E2F1: variants seen among roughly 807,000 people sequenced by gnomAD.
E2F1 encodes the protein transcription factor E2F1.
In E2F1, 7 loss-of-function variants were observed where a neutral mutation model predicts 36.9. That is an observed-to-expected ratio of 0.19 (90% CI 0.11 to 0.36). E2F1 has a LOEUF of 0.36. Among genes scored for constraint, E2F1 ranks in the 10% least tolerant of loss-of-function variants. The pLI, the probability that E2F1 is intolerant of heterozygous loss-of-function variation, is 1.00. For synonymous variants in E2F1, 261 were observed against 263.1 expected (o/e 0.99, Z 0.08); for missense variants, 406 against 573.6 (o/e 0.71, Z 2.99).
At position 33,676,665 on chromosome 20, in the gene E2F1, ACAGG is replaced by A. The variant is rs2017961889; in HGVS notation, c.*63_*66del. On this transcript the variant is annotated 3_prime_UTR_variant, in exon 7 of 7. Transcript: ENST00000343380. ...AAACAGGCTGGGAGGACGGCCAGGG[ACAGG>A]GGGCTCCAGGGCTGCAGAGACAAGG... is the stretch of plus-strand genomic sequence containing the variant. 9.2e-6 allele frequency: 14 copies of A among 1,520,422 alleles called. No individual in the cohort carries two copies. The highest frequency in any genetic ancestry group is 1.2e-5 in the Non-Finnish European group (14 of 1,133,188). The allele number at this position is 1,520,422 out of a possible 1,614,324, so 94.2% of individuals were successfully genotyped here.
Position 33,679,634 on chromosome 20 carries a change from C to T in E2F1, c.572+121G>A. On this transcript the variant is annotated intron_variant, in intron 3 of 6. Transcript: ENST00000343380. This position sits in a 1 kb window ranked among gnomAD's most constrained non-coding sequence, Gnocchi z 4.6. The stretch of plus-strand genomic sequence containing the variant: ...TCATCTCAGGGAAGCTACCTCTCCT[C>T]TCTGAGCCCGTTTCCCCAGCTATAA... 4 of 891,552 alleles carry T rather than the reference C, an allele frequency of 4.5e-6. 1 individual carries two copies. Among genetic ancestry groups the T allele is most frequent in the South Asian group, 4.3e-5 (3 of 69,782 alleles). The allele number at this position is 891,552 out of a possible 1,614,324, so 55.2% of individuals were successfully genotyped here. A position where few individuals can be genotyped will look rare whatever the true frequency, so the allele number is the denominator to read the frequency against.
Position 33,677,508 on chromosome 20 carries a change from C to T in E2F1, c.758G>A (p.Ser253Asn). 1 of 1,614,062 alleles carries T rather than the reference C, an allele frequency of 6.2e-7. No homozygotes were observed. The highest frequency in any genetic ancestry group is 8.5e-7 in the Non-Finnish European group (1 of 1,179,988). ...CATCTGCTCTGCAGGGTCTGCAATG[C>T]TACGAAGGTCCTGACACGTCACGTA... is the stretch of plus-strand genomic sequence containing the variant. ...LAYVTCQDLR[S>N]IADPAEQMVM... The change falls in exon 5 of 7, where the codon AGC (serine) becomes AAC (asparagine). Residue 253 changes from serine to asparagine, a missense_variant. By Grantham distance (46) the Ser-to-Asn change is conservative. Transcript: ENST00000343380.
In E2F1 at chr20:33,676,783, G is replaced by A. The variant is rs1188354932; in HGVS notation, c.1263C>T (p.Ile421=). The A allele has an allele frequency of 3.7e-6, 6 of 1,607,260 alleles. No homozygotes were observed. Among genetic ancestry groups the A allele is most frequent in the Non-Finnish European group, 5.1e-6 (6 of 1,176,758 alleles). ...YHFGLEEGEG[I]RDLFDCDFGD... ...CAAAGTCACAGTCGAAGAGGTCTCT[G>A]ATGCCCTCGCCCTCCTCGAGGCCGA... Residue 421 remains isoleucine (I), a synonymous_variant, in exon 7 of 7, where the codon ATC becomes ATT. Transcript: ENST00000343380.
intron 1 of E2F1, among the ~76,000 whole-genome samples, chr20:33,683,799 A>T (rs1015406852): frequency 5.3e-5 from 8 of 152,208 alleles, no homozygotes; most frequent in African/African-American, 1.4e-4. Context: ...AATAAATAAA[A>T]AAGTTAAGTT....
At chr20:33,677,575 T>C (rs761234206) in intron 4 of E2F1, 35 bp from the exon 5 acceptor site, 1 of 1,530,012 alleles carries the variant, frequency 6.5e-7, no homozygotes, top group South Asian at 1.1e-5. Flanking sequence ...ACCTTTGACT[T>C]CTAGGGGGTC....
chr20:33,681,354 T>C (rs140046362), intron 1 of E2F1, among the ~76,000 whole-genome samples: 5 of 152,212 alleles, frequency 3.3e-5, no homozygotes, highest in Non-Finnish European at 7.3e-5. Flanking sequence ...ACTGATTACA[T>C]AGGTCCCTTG....
intron 1 of E2F1, among the ~76,000 whole-genome samples, chr20:33,684,520 G>A (rs913677703): frequency 5.9e-5 from 9 of 152,150 alleles, no homozygotes; most frequent in Admixed American, 5.2e-4. Flanking sequence ...CAGAGGAAAC[G>A]CAGACTGCTC....
rs1394006868 is a variant in E2F1, at chr20:33,679,252, T to C, written c.572+503A>G. 1.3e-5 allele frequency among the ~76,000 whole-genome samples: 2 copies of C among 152,124 alleles called. No individual in the cohort carries two copies. Among genetic ancestry groups the C allele is most frequent in the East Asian group, 1.9e-4 (1 of 5,166 alleles). On this transcript the variant is annotated intron_variant, in intron 3 of 6. Coordinates refer to ENST00000343380, the MANE Select transcript of E2F1 (RefSeq NM_005225.3). The surrounding 1 kb of genome is among the most constrained non-coding windows in gnomAD (Gnocchi z 4.6). ...TGGTGGCAACCCAGATGAATAAATA[T>C]ATAAAGCTGCGCGGGGCGCAGTGGC...
chr20:33,677,134 G>A lies in E2F1; in HGVS notation c.1037C>T (p.Pro346Leu). 6.2e-7 allele frequency: 1 copy of A among 1,614,000 alleles called. No homozygotes were observed. Among genetic ancestry groups the A allele is most frequent in the Non-Finnish European group, 8.5e-7 (1 of 1,179,926 alleles). ...SSPPSSLTTD[P>L]SQSLLSLEQE... ...CTCCAGGCTGAGTAGAGACTGGCTG[G>A]GATCTGTGGTGAGGGATGAGGGGGG... The change falls in exon 6 of 7, where the codon CCC (proline) becomes CTC (leucine). Residue 346 changes from proline (P) to leucine (L), a missense_variant. Pro to Leu is a moderately conservative substitution (Grantham distance 98). Around this residue, in one of 5 missense-constraint regions of E2F1, gnomAD observed 163 missense variants for 181.5 expected, o/e 0.90. Transcript: ENST00000343380.
chr20:33,684,358 C>T (rs1054756054), intron 1 of E2F1, among the ~76,000 whole-genome samples: 1 of 152,162 alleles, frequency 6.6e-6, no homozygotes, highest in Non-Finnish European at 1.5e-5. Flanking sequence ...GGAACAGGCC[C>T]CTGGAGTACA....
At chr20:33,682,003 C>T (rs1321558389) in intron 1 of E2F1, among the ~76,000 whole-genome samples, 8 of 140,020 alleles carry the variant, frequency 5.7e-5, no homozygotes, top group Middle Eastern at 3.5e-3. Context: ...CCCCACTTCA[C>T]GCCTGCTCCC....
chr20:33,678,438 G>T, intron 3 of E2F1, 85 bp from the exon 4 acceptor site: 1 of 1,530,990 alleles, frequency 6.5e-7, no homozygotes. Context: ...AGAGTCTGCT[G>T]TTGCCTCTGT....
At chr20:33,681,220 G>A (rs1032083021) in intron 1 of E2F1, among the ~76,000 whole-genome samples, 4 of 151,778 alleles carry the variant, frequency 2.6e-5, no homozygotes, top group Non-Finnish European at 4.4e-5. Context: ...TCTATTTCTC[G>A]TAGAGATGGG....
chr20:33,680,443 G>A (rs1435786665), intron 1 of E2F1, 27 bp from the exon 2 acceptor site: 2 of 1,606,614 alleles, frequency 1.2e-6, no homozygotes, highest in Admixed American at 1.7e-5. Context: ...AGGATGCCCA[G>A]TAACCAGGAG....
intron 1 of E2F1, among the ~76,000 whole-genome samples, chr20:33,683,516 T>C (rs1419240819): frequency 2.0e-5 from 3 of 151,192 alleles, no homozygotes; most frequent in African/African-American, 4.9e-5. Flanking sequence ...CTCACACCTG[T>C]AATCCCAGCA....
At chr20:33,677,047 C>T (rs559212050) in intron 6 of E2F1, 58 bp downstream of exon 6, 2 of 1,566,252 alleles carry the variant, frequency 1.3e-6, no homozygotes, top group East Asian at 4.6e-5. Flanking sequence ...GCTGTCGTGC[C>T]TGCCCACCCC....
In E2F1 at chr20:33,676,978, T is replaced by C. The variant is rs1432571319; in HGVS notation, c.1068A>G (p.Glu356=). The change falls in exon 7 of 7, where the codon GAA becomes GAG. Residue 356 remains glutamate (E), a splice_region_variant and synonymous_variant. Transcript: ENST00000343380. ...PSQSLLSLEQ[E]PLLSRMGSLR... ...GGCTGCCCATCCGGGACAACAGCGG[T>C]TCTGGGGAGACGGGGAGCATCACAG... The C allele has an allele frequency of 6.4e-7, 1 of 1,563,772 alleles. No individual in the cohort carries two copies. Among genetic ancestry groups the C allele is most frequent in the African/African-American group, 1.3e-5 (1 of 74,136 alleles).
At position 33,676,936 on chromosome 20, in the gene E2F1, G is replaced by A. The variant is rs751141581; in HGVS notation, c.1110C>T (p.Asp370=). The A allele has an allele frequency of 1.9e-5, 30 of 1,563,654 alleles. No individual in the cohort carries two copies. The East Asian group carries it at 3.5e-4, about 19-fold the overall frequency. The change falls in exon 7 of 7, where the codon GAC becomes GAT. Residue 370 remains aspartate (D), a synonymous_variant. Transcript: ENST00000343380. The part of the protein sequence containing the change: ...SRMGSLRAPV[D]EDRLSPLVAA... ...CCACCAGCGGGGACAGGCGGTCCTC[G>A]TCCACGGGAGCCCGCAGGCTGCCCA...
Position 33,676,838 on chromosome 20 carries a change from G to A in E2F1, c.1208C>T (p.Ser403Phe). ...GTAGTCGAGGGCCTCGTGGGGTGGG[G>A]AAAGGCTGATGAACTCCTCAGGGAG... ...GLLPEEFISL[S>F]PPHEALDYHF... The change falls in exon 7 of 7, where the codon TCC becomes TTC. Residue 403 changes from serine to phenylalanine, a missense_variant. Coordinates refer to ENST00000343380, the MANE Select transcript of E2F1 (RefSeq NM_005225.3). 1 of 1,594,236 alleles carries A rather than the reference G, an allele frequency of 6.3e-7. No homozygotes were observed. The highest frequency in any genetic ancestry group is 2.3e-5 in the East Asian group (1 of 43,478).
Sources: gnomAD v4.1 joint callset for allele counts (sites outside exome capture counted in the v4.1 genomes callset) on GRCh38, gnomAD v4.1.1 for gene constraint, gnomAD v4.1.1 regional missense constraint, Gnocchi (gnomAD v3.1) non-coding constraint, MANE v1.5 for transcripts, NCBI Gene and HGNC (gene_info 2026-07-23, HGNC 2026-07-21) for gene names.